The following FGGY variants were observed in gnomAD, a reference collection of about 807,000 sequenced individuals.
FGGY encodes the protein FGGY carbohydrate kinase domain-containing protein.
FGGY carries 72 observed loss-of-function variants against 71.3 expected under a neutral mutation model. The ratio of observed to expected loss-of-function variants is 1.01; its 90% CI spans 0.84 to 1.23. FGGY has a LOEUF of 1.23. FGGY is among the 50% of genes most tolerant of loss of function. The pLI, the probability that FGGY is intolerant of heterozygous loss-of-function variation, is 0.00. For synonymous variants in FGGY, 251 were observed against 250.3 expected (o/e 1.00, Z -0.02); for missense variants, 668 against 682.3 (o/e 0.98, Z 0.23).
intron 4 of FGGY, among the ~76,000 whole-genome samples, chr1:59,368,801 A>C (rs2057020807): frequency 6.6e-6 from 1 of 152,126 alleles, no homozygotes; most frequent in African/African-American, 2.4e-5. Context: ...AATATAAAAA[A>C]CTGCATGTGG....
At chr1:59,736,384 G>C (rs1410951794) in intron 14 of FGGY, among the ~76,000 whole-genome samples, 1 of 152,174 alleles carries the variant, frequency 6.6e-6, no homozygotes, top group Non-Finnish European at 1.5e-5. Flanking sequence ...GAACAGTTTG[G>C]AGGGCTCAGA....
At chr1:59,431,379 G>C (rs1421035716) in intron 5 of FGGY, among the ~76,000 whole-genome samples, 1 of 152,090 alleles carries the variant, frequency 6.6e-6, no homozygotes, top group Non-Finnish European at 1.5e-5. Flanking sequence ...CAAGCCCCAT[G>C]GTTCCCTTTA....
chr1:59,735,431 T>C (rs963662038), intron 14 of FGGY, among the ~76,000 whole-genome samples: 7 of 152,230 alleles, frequency 4.6e-5, no homozygotes, highest in Non-Finnish European at 7.3e-5. Flanking sequence ...CCAGGTGATA[T>C]TGTGGTCTTC....
At chr1:59,383,377 G>A (rs961094216) in intron 5 of FGGY, among the ~76,000 whole-genome samples, 1 of 152,130 alleles carries the variant, frequency 6.6e-6, no homozygotes, top group South Asian at 2.1e-4. Flanking sequence ...GATTGGAAGT[G>A]TTTTAAAGGC....
chr1:59,673,286 A>T (rs909142012), intron 13 of FGGY, among the ~76,000 whole-genome samples: 5 of 152,138 alleles, frequency 3.3e-5, no homozygotes, highest in African/African-American at 1.2e-4. Flanking sequence ...TAGGAAGGTG[A>T]TGTTTGCGGA....
intron 13 of FGGY, among the ~76,000 whole-genome samples, chr1:59,669,269 C>T (rs1308814945): frequency 6.6e-6 from 1 of 152,072 alleles, no homozygotes; most frequent in East Asian, 1.9e-4. Context: ...CGGGGCCCAC[C>T]GTCCCTTTGT....
At chr1:59,653,005 C>A (rs1357644551) in intron 11 of FGGY, among the ~76,000 whole-genome samples, 2 of 151,976 alleles carry the variant, frequency 1.3e-5, no homozygotes, top group Admixed American at 6.5e-5. Flanking sequence ...TGTTGGAATA[C>A]CCTGCCGTGT....
chr1:59,311,912 AT>A (rs2044411403), intron 1 of FGGY, among the ~76,000 whole-genome samples: 1 of 152,120 alleles, frequency 6.6e-6, no homozygotes, highest in Admixed American at 6.5e-5. Flanking sequence ...GCCAGCATCT[AT>A]TGTTTCTTGA....
chr1:59,389,817 A>G lies in FGGY; in HGVS notation c.554+10980A>G, dbSNP rs61225334. ...AGTAGTCTCTTATTGTGGTTTAAGAATTGATTTTTTAAAATACTAGAAATC... is the reference window on the plus strand; with the variant it reads ...AGTAGTCTCTTATTGTGGTTTAAGAGTTGATTTTTTAAAATACTAGAAATC... On this transcript the variant is annotated intron_variant, in intron 5 of 15. Coordinates refer to ENST00000303721, the MANE Select transcript of FGGY (RefSeq NM_018291.5). Among the ~76,000 whole-genome samples the G allele has an allele frequency of 4.8e-3, 730 of 152,334 alleles. 5 individuals carry two copies. The highest frequency in any genetic ancestry group is 0.016 in the African/African-American group (684 of 41,586).
At chr1:59,584,760 T>C (rs564269649) in intron 8 of FGGY, among the ~76,000 whole-genome samples, 1 of 150,006 alleles carries the variant, frequency 6.7e-6, no homozygotes, top group African/African-American at 2.5e-5. Flanking sequence ...TGAATGTATA[T>C]CTAGAAAACC....
At chr1:59,664,749 G>C (rs139158874) in intron 12 of FGGY, among the ~76,000 whole-genome samples, 7 of 152,318 alleles carry the variant, frequency 4.6e-5, no homozygotes, top group Non-Finnish European at 7.3e-5. Context: ...AACTCTCCTT[G>C]TATGCACCTT....
chr1:59,358,841 A>G (rs907582991), intron 4 of FGGY, among the ~76,000 whole-genome samples: 1 of 152,212 alleles, frequency 6.6e-6, no homozygotes, highest in Non-Finnish European at 1.5e-5. Flanking sequence ...TGTGCTTTCA[A>G]ATCTTCTATC....
At chr1:59,378,712 C>T (rs1179433394) in intron 4 of FGGY, 37 bp from the exon 5 acceptor site, 1 of 1,569,320 alleles carries the variant, frequency 6.4e-7, no homozygotes, top group Non-Finnish European at 8.7e-7. Flanking sequence ...GGTAGAAAAA[C>T]CCCCTAATTG....
chr1:59,306,133 T>G (rs546629247), intron 1 of FGGY, among the ~76,000 whole-genome samples: 1 of 152,328 alleles, frequency 6.6e-6, no homozygotes, highest in African/African-American at 2.4e-5. Flanking sequence ...GTTTTCTATT[T>G]TTTTCCCCAT....
chr1:59,360,127 G>GTTATTATTATTATTATTATTATTATTA (rs200166794), intron 4 of FGGY, among the ~76,000 whole-genome samples: 8 of 145,668 alleles, frequency 5.5e-5, no homozygotes, highest in Admixed American at 2.0e-4. Context: ...TTCTATCATT[G>GTTATTATTATTATTATTATTATTATTA]TTATTATTAT....
intron 5 of FGGY, among the ~76,000 whole-genome samples, chr1:59,429,729 G>A (rs972415358): frequency 2.0e-5 from 3 of 152,082 alleles, no homozygotes; most frequent in African/African-American, 7.2e-5. Context: ...CGACACACAC[G>A]TGACGCACAT....
At chr1:59,573,758 T>C (rs1314900451) in intron 8 of FGGY, among the ~76,000 whole-genome samples, 2 of 152,186 alleles carry the variant, frequency 1.3e-5, no homozygotes, top group Admixed American at 6.5e-5. Context: ...ATTTTAGAAT[T>C]TACCATTTGG....
At chr1:59,396,757 AAT>A (rs1187890128) in intron 5 of FGGY, among the ~76,000 whole-genome samples, 4 of 152,200 alleles carry the variant, frequency 2.6e-5, no homozygotes, top group Non-Finnish European at 5.9e-5. Context: ...AAATGGGGAT[AAT>A]ATTACTAATG....
chr1:59,667,172 G>GTGTA, intron 12 of FGGY, 111 bp from the exon 13 acceptor site: 1 of 1,304,334 alleles, frequency 7.7e-7, no homozygotes, highest in Non-Finnish European at 1.1e-6. Context: ...TTCTGAGATA[G>GTGTA]TGTATGTAGA....
Sources: gnomAD v4.1 joint callset for allele counts (sites outside exome capture counted in the v4.1 genomes callset) on GRCh38, gnomAD v4.1.1 for gene constraint, MANE v1.5 for transcripts, NCBI Gene and HGNC (gene_info 2026-07-23, HGNC 2026-07-21) for gene names.